The following ZFHX3 variants were observed in gnomAD, a reference collection of about 807,000 sequenced individuals.
ZFHX3 encodes zinc finger homeobox 3, also known as zinc finger homeobox protein 3.
A neutral mutation model predicts 279.1 loss-of-function variants in ZFHX3; 42 were observed. The ratio of observed to expected loss-of-function variants is 0.15; its 90% CI spans 0.12 to 0.19. The LOEUF is 0.19. Ranked by LOEUF, ZFHX3 falls within the 10% of genes least tolerant of loss-of-function variation. The pLI, the probability that ZFHX3 is intolerant of heterozygous loss-of-function variation, is 1.00. For synonymous variants in ZFHX3, 2,293 were observed against 1,957.8 expected (o/e 1.17, Z -4.52); for missense variants, 4,981 against 4,754.0 (o/e 1.05, Z -1.40).
intron 4 of ZFHX3, chr16:73,294,330 C>G (rs953750090): frequency 1.3e-5 from 2 of 152,194 alleles, no homozygotes; most frequent in Non-Finnish European, 2.9e-5. Context: ...ACAGACATCA[C>G]GCTAAGCCTC....
At chr16:73,258,338 C>CATATATATAT (rs59013847) in intron 4 of ZFHX3, among the ~76,000 whole-genome samples, 29 of 124,952 alleles carry the variant, frequency 2.3e-4, no homozygotes, top group African/African-American at 6.3e-4. Context: ...TTTGCTATGA[C>CATATATATAT]ATATATATAT....
At chr16:73,716,061 A>G (rs537449059) in intron 1 of ZFHX3, among the ~76,000 whole-genome samples, 41 of 152,180 alleles carry the variant, frequency 2.7e-4, no homozygotes, top group African/African-American at 9.6e-4. Context: ...GTCTATTTCC[A>G]TCAACTTGTG....
chr16:73,007,984 CTTAA>C (rs1388080854), intron 1 of ZFHX3, among the ~76,000 whole-genome samples: 3 of 152,092 alleles, frequency 2.0e-5, no homozygotes, highest in Non-Finnish European at 2.9e-5. Flanking sequence ...TTTCTCTTTT[CTTAA>C]TTAAACATGA....
intron 1 of ZFHX3, among the ~76,000 whole-genome samples, chr16:73,039,292 T>C (rs1965025380): frequency 6.6e-6 from 1 of 152,010 alleles, no homozygotes; most frequent in African/African-American, 2.4e-5. Context: ...AAAAGACCAG[T>C]GTAAAATTGA....
chr16:73,532,267 T>G (rs974747814), intron 2 of ZFHX3, among the ~76,000 whole-genome samples: 23 of 152,064 alleles, frequency 1.5e-4, no homozygotes, highest in African/African-American at 5.6e-4. Flanking sequence ...CTCATTGTAG[T>G]GAATAAGTCT....
intron 2 of ZFHX3, among the ~76,000 whole-genome samples, chr16:73,623,258 A>C (rs12149437): frequency 6.4e-4 from 97 of 152,074 alleles, no homozygotes; most frequent in Admixed American, 1.0e-3. Context: ...GGATGGTCTC[A>C]ATCTCCTGAC....
intron 3 of ZFHX3, among the ~76,000 whole-genome samples, chr16:73,350,814 G>A (rs908156786): frequency 2.0e-5 from 3 of 152,182 alleles, no homozygotes; most frequent in African/African-American, 4.8e-5. Flanking sequence ...AGCCAAAGAC[G>A]GTCTCTTGGG....
intron 3 of ZFHX3, among the ~76,000 whole-genome samples, chr16:73,445,926 C>T (rs1182472034): frequency 2.6e-5 from 4 of 152,218 alleles, no homozygotes; most frequent in Non-Finnish European, 5.9e-5. Context: ...TCCTGTTGCC[C>T]ACAGTTGAAA....
chr16:73,840,043 T>C (rs1190687457), intron 1 of ZFHX3, among the ~76,000 whole-genome samples: 1 of 152,180 alleles, frequency 6.6e-6, no homozygotes, highest in Non-Finnish European at 1.5e-5. Context: ...TGTCCAGGCA[T>C]CTGGAGTGAA....
chr16:72,870,717 C>CAAAAAAAAAAAA (rs71156125), intron 4 of ZFHX3, among the ~76,000 whole-genome samples: 1 of 101,560 alleles, frequency 9.8e-6, no homozygotes, highest in Non-Finnish European at 2.0e-5. Context: ...GACTCTGTCT[C>CAAAAAAAAAAAA]AAAAAAAAAA....
chr16:73,626,047 G>C (rs375255981), intron 2 of ZFHX3, among the ~76,000 whole-genome samples: 2 of 151,998 alleles, frequency 1.3e-5, no homozygotes, highest in Admixed American at 1.3e-4. Context: ...TAGTAGAGAC[G>C]GGGTTTCATC....
chr16:73,604,041 G>T (rs2052152465), intron 2 of ZFHX3, among the ~76,000 whole-genome samples: 1 of 151,924 alleles, frequency 6.6e-6, no homozygotes, highest in Non-Finnish European at 1.5e-5. Flanking sequence ...GCCTCCCACA[G>T]TGCTGATTAC....
At chr16:73,703,564 A>G (rs2053273409) in intron 1 of ZFHX3, among the ~76,000 whole-genome samples, 1 of 152,138 alleles carries the variant, frequency 6.6e-6, no homozygotes, top group Non-Finnish European at 1.5e-5. Context: ...CAGCACAAGC[A>G]GAGAGAGTCA....
intron 3 of ZFHX3, among the ~76,000 whole-genome samples, chr16:72,930,583 G>A (rs755844211): frequency 6.6e-6 from 1 of 152,122 alleles, no homozygotes; most frequent in Non-Finnish European, 1.5e-5. Flanking sequence ...AGAAATTAAA[G>A]GGCTATGGAG....
At chr16:72,956,070 G>A (rs1035580494) in intron 2 of ZFHX3, among the ~76,000 whole-genome samples, 1 of 152,140 alleles carries the variant, frequency 6.6e-6, no homozygotes, top group South Asian at 2.1e-4. Context: ...AGGATCAACA[G>A]GCAAATATTT....
chr16:73,335,782 G>A (rs1015453291), intron 3 of ZFHX3, among the ~76,000 whole-genome samples: 1 of 152,198 alleles, frequency 6.6e-6, no homozygotes, highest in African/African-American at 2.4e-5. Context: ...ACTGCCTTCA[G>A]CTCTGAGAGC....
chr16:73,592,243 C>T (rs1035279404), intron 2 of ZFHX3, among the ~76,000 whole-genome samples: 14 of 151,990 alleles, frequency 9.2e-5, no homozygotes, highest in South Asian at 2.1e-4. Context: ...AACAAACAAA[C>T]GAAAACAAAA....
chr16:72,989,162 A>G (rs1462676009), intron 1 of ZFHX3, among the ~76,000 whole-genome samples: 1 of 151,240 alleles, frequency 6.6e-6, no homozygotes, highest in African/African-American at 2.4e-5. Flanking sequence ...CAAGACAGCA[A>G]GACGCTGTCT....
chr16:73,170,276 G>A (rs1248820941), intron 5 of ZFHX3, among the ~76,000 whole-genome samples: 2 of 105,114 alleles, frequency 1.9e-5, no homozygotes, highest in South Asian at 3.3e-4. Flanking sequence ...TGTCACCCAC[G>A]TTGGAGTGCA....
Sources: gnomAD v4.1 joint callset for allele counts (sites outside exome capture counted in the v4.1 genomes callset) on GRCh38, gnomAD v4.1.1 for gene constraint, MANE v1.5 for transcripts, NCBI Gene and HGNC (gene_info 2026-07-23, HGNC 2026-07-21) for gene names.